ERC1: variants seen among roughly 807,000 people sequenced by gnomAD.
ERC1 encodes the protein RAB6 interacting protein 2.
A neutral mutation model predicts 132.0 loss-of-function variants in ERC1; 56 were observed. The ratio of observed to expected loss-of-function variants is 0.42; its 90% confidence interval spans 0.34 to 0.53. The LOEUF (loss-of-function observed/expected upper bound fraction) is 0.53. Among genes scored for constraint, ERC1 ranks in the 20% least tolerant of loss-of-function variants. The pLI is 0.03. For synonymous variants in ERC1, 478 were observed against 476.1 expected, an observed-to-expected ratio of 1.00 and a Z score of -0.05; for missense variants, 1,202 against 1,349.9, an observed-to-expected ratio of 0.89 and a Z score of 1.72.
Position 1,183,426 on chromosome 12 carries a change from A to G in ERC1, c.2157+5A>G. ...ATGGAATCACAATTGAAAAAGGTTA[A>G]AGAAAAAATTTCACATTTTTTTGCT... is the stretch of plus-strand genomic sequence containing the variant. On this transcript the variant is annotated splice_donor_5th_base_variant and intron_variant, in intron 11 of 18. Transcript: ENST00000360905. 6.4e-7 allele frequency: 1 copy of G among 1,554,490 alleles called. No individual in the cohort carries two copies. Among genetic ancestry groups the G allele is most frequent in the Non-Finnish European group, 8.8e-7 (1 of 1,140,434 alleles).
chr12:1,016,205 T>C (rs1424015655), intron 1 of ERC1, among the ~76,000 whole-genome samples: 1 of 152,238 alleles, frequency 6.6e-6, no homozygotes, highest in African/African-American at 2.4e-5. Flanking sequence ...ATTTCACATA[T>C]AATTATTTAA....
intron 16 of ERC1, among the ~76,000 whole-genome samples, chr12:1,393,607 CGTGTGTGTGTGTG>C (rs1341115900): frequency 8.6e-5 from 12 of 140,232 alleles, no homozygotes; most frequent in Middle Eastern, 3.6e-3. Flanking sequence ...AGAGAACACA[CGTGTGTGTGTGTG>C]TGTGTGTGTG....
At chr12:1,121,843 C>A (rs200720922) in intron 7 of ERC1, among the ~76,000 whole-genome samples, 5 of 19,362 alleles carry the variant, frequency 2.6e-4, no homozygotes, top group African/African-American at 4.8e-4. Flanking sequence ...CTCTATCTAT[C>A]TCTATCTCTA....
chr12:1,479,473 C>T (rs1195344374), intron 18 of ERC1, among the ~76,000 whole-genome samples: 5 of 152,178 alleles, frequency 3.3e-5, no homozygotes, highest in African/African-American at 1.2e-4. Context: ...AATATAGAGG[C>T]TTCTGTAATC....
chr12:1,283,883 T>C (rs10773934), intron 14 of ERC1, among the ~76,000 whole-genome samples: 62,354 of 151,792 alleles, frequency 0.41, 13,307 homozygotes, highest in Middle Eastern at 0.52. Flanking sequence ...TATCCATCAC[T>C]TCTAACATCT....
At chr12:1,150,155 A>C (rs1029388220) in intron 8 of ERC1, among the ~76,000 whole-genome samples, 2 of 152,218 alleles carry the variant, frequency 1.3e-5, no homozygotes, top group Non-Finnish European at 2.9e-5. Context: ...CAGTTCCCTC[A>C]GACAGCACAG....
At chr12:1,430,171 G>A (rs1408162484) in intron 17 of ERC1, 2 of 152,148 alleles carry the variant, frequency 1.3e-5, no homozygotes, top group Non-Finnish European at 2.9e-5. Context: ...GTGACATGGA[G>A]TCCAGCTTCA....
intron 12 of ERC1, among the ~76,000 whole-genome samples, chr12:1,220,245 A>G (rs79782920): frequency 0.031 from 4,737 of 152,240 alleles, 114 homozygotes; most frequent in East Asian, 0.074. Context: ...TCACTGTGCT[A>G]TGACATACTT....
chr12:1,302,348 C>CT (rs953651994), intron 15 of ERC1, among the ~76,000 whole-genome samples: 2 of 152,132 alleles, frequency 1.3e-5, no homozygotes, highest in African/African-American at 2.4e-5. Flanking sequence ...GGTAATTCAG[C>CT]TTAGTAAAGA....
At chr12:1,351,959 A>G (rs2085039910) in intron 15 of ERC1, among the ~76,000 whole-genome samples, 1 of 152,176 alleles carries the variant, frequency 6.6e-6, no homozygotes, top group Non-Finnish European at 1.5e-5. Flanking sequence ...TATTTATAAT[A>G]ATGGTTAAAC....
At chr12:1,261,661 GTTTTC>G (rs777255360) in intron 13 of ERC1, among the ~76,000 whole-genome samples, 68 of 150,656 alleles carry the variant, frequency 4.5e-4, no homozygotes, top group Middle Eastern at 6.8e-3. Context: ...AACAACGTTT[GTTTTC>G]TTTTGTTTTG....
chr12:1,303,563 C>T (rs1378793628), intron 15 of ERC1, among the ~76,000 whole-genome samples: 1 of 151,762 alleles, frequency 6.6e-6, no homozygotes, highest in African/African-American at 2.4e-5. Context: ...GGCATGAACC[C>T]AGGAGGCGGA....
At chr12:1,485,045 A>C (rs2094181640) in intron 18 of ERC1, among the ~76,000 whole-genome samples, 1 of 147,244 alleles carries the variant, frequency 6.8e-6, no homozygotes, top group South Asian at 2.2e-4. Flanking sequence ...ACCACACCTG[A>C]CTAATTTTTT....
intron 13 of ERC1, among the ~76,000 whole-genome samples, chr12:1,255,731 C>A (rs2154318373): frequency 7.0e-6 from 1 of 143,778 alleles, no homozygotes; most frequent in South Asian, 2.3e-4. Context: ...CTCCCGGGTT[C>A]ACGCCATTCT....
intron 2 of ERC1, among the ~76,000 whole-genome samples, chr12:1,041,341 G>A (rs531288019): frequency 8.7e-4 from 132 of 152,018 alleles, no homozygotes; most frequent in Non-Finnish European, 1.5e-3. Flanking sequence ...CCAAGTAGGT[G>A]GGACTACAGG....
intron 1 of ERC1, among the ~76,000 whole-genome samples, chr12:1,009,907 T>G (rs1964399430): frequency 6.6e-6 from 1 of 152,212 alleles, no homozygotes; most frequent in African/African-American, 2.4e-5. Flanking sequence ...TTCATTTAAG[T>G]AGATTCTGCA....
chr12:1,024,732 C>T (rs1316670102), intron 1 of ERC1, among the ~76,000 whole-genome samples: 1 of 148,830 alleles, frequency 6.7e-6, no homozygotes, highest in African/African-American at 2.5e-5. Flanking sequence ...TGAAAGAAGT[C>T]TATAAAGTTG....
intron 1 of ERC1, among the ~76,000 whole-genome samples, chr12:1,009,023 G>A (rs1964209136): frequency 6.6e-6 from 1 of 152,036 alleles, no homozygotes; most frequent in Non-Finnish European, 1.5e-5. Flanking sequence ...TTAGAAGGGA[G>A]GAGCTGTGAG....
intron 8 of ERC1, among the ~76,000 whole-genome samples, chr12:1,158,718 C>T (rs1593814904): frequency 6.6e-6 from 1 of 151,582 alleles, no homozygotes; most frequent in Non-Finnish European, 1.5e-5. Flanking sequence ...CTCCCAATGT[C>T]CTGGGATTAC....
Sources: gnomAD v4.1 joint callset for allele counts (sites outside exome capture counted in the v4.1 genomes callset) on GRCh38, gnomAD v4.1.1 for gene constraint, MANE v1.5 for transcripts, NCBI Gene and HGNC (gene_info 2026-07-23, HGNC 2026-07-21) for gene names.